The following TNRC6B variants were observed in gnomAD, a reference collection of about 807,000 sequenced individuals.
The protein encoded by TNRC6B is trinucleotide repeat-containing gene 6B protein.
Under a neutral mutation model 203.6 loss-of-function variants are expected in TNRC6B, and 52 were observed. That is an observed-to-expected ratio of 0.26 (90% CI 0.20 to 0.32). The LOEUF is 0.32. TNRC6B is among the 10% of genes least tolerant of loss of function. TNRC6B has a pLI of 1.00. For synonymous variants in TNRC6B, 838 were observed against 845.7 expected (o/e 0.99, Z 0.16); for missense variants, 1,923 against 2,286.2 (o/e 0.84, Z 3.24).
At chr22:40,179,970 A>G (rs564280847) in intron 1 of TNRC6B, among the ~76,000 whole-genome samples, 2 of 152,358 alleles carry the variant, frequency 1.3e-5, no homozygotes, top group East Asian at 3.9e-4. Flanking sequence ...AGTAATGGTA[A>G]TAAATACAGA....
chr22:40,310,762 CAAG>C (rs2071166385), intron 16 of TNRC6B, 52 bp from the exon 17 acceptor site: 1 of 1,498,072 alleles, frequency 6.7e-7, no homozygotes, highest in Non-Finnish European at 9.0e-7. Flanking sequence ...AAAAAATAGA[CAAG>C]TTCTATTCAT....
rs533779204 is a variant in TNRC6B, at chr22:40,207,939, C to T, written c.5+29799C>T. Among the ~76,000 whole-genome samples, 15 of 151,930 alleles carry T rather than the reference C, an allele frequency of 9.9e-5. 1 individual carries two copies. The highest frequency in any genetic ancestry group is 3.4e-3 in the Middle Eastern group (1 of 292). ...CATCCTGGCTAACACGGTGAAACCC[C>T]ATCTCTACTAGAAAAATACAAAAAA... On this transcript the variant is annotated intron_variant, in intron 1 of 22. Coordinates refer to ENST00000454349, the MANE Select transcript of TNRC6B (RefSeq NM_001162501.2).
At chr22:40,316,540 C>T (rs947134207) in intron 21 of TNRC6B, among the ~76,000 whole-genome samples, 6 of 152,090 alleles carry the variant, frequency 3.9e-5, no homozygotes, top group African/African-American at 1.4e-4. Flanking sequence ...CACACAGCTG[C>T]TCAGGAGGCT....
intron 1 of TNRC6B, among the ~76,000 whole-genome samples, chr22:40,046,635 CAG>C (rs1452657289): frequency 1.5e-5 from 2 of 134,944 alleles, no homozygotes; most frequent in African/African-American, 2.8e-5. Context: ...TTTTTTGAGA[CAG>C]AGTCTCAATT....
intron 1 of TNRC6B, among the ~76,000 whole-genome samples, chr22:40,075,129 G>C (rs2067995056): frequency 1.3e-5 from 1 of 76,580 alleles, no homozygotes; most frequent in Non-Finnish European, 2.5e-5. Context: ...TTGATTGTTG[G>C]TTCTGTTCAT....
At chr22:40,156,776 T>G (rs1231504503) in intron 4 of TNRC6B, among the ~76,000 whole-genome samples, 1 of 138,306 alleles carries the variant, frequency 7.2e-6, no homozygotes, top group Non-Finnish European at 1.5e-5. Context: ...TTTTTTTTCT[T>G]GAGACGGAGT....
chr22:40,045,973 G>A (rs1569241934), intron 1 of TNRC6B, among the ~76,000 whole-genome samples: 1 of 152,090 alleles, frequency 6.6e-6, no homozygotes, highest in East Asian at 1.9e-4. Flanking sequence ...ATTTCAAGTT[G>A]GTCATTTGTA....
intron 1 of TNRC6B, among the ~76,000 whole-genome samples, chr22:40,048,357 G>A (rs971505638): frequency 3.9e-5 from 6 of 152,082 alleles, no homozygotes; most frequent in African/African-American, 7.2e-5. Flanking sequence ...TGGCCAATAT[G>A]GTGAAACCCC....
intron 4 of TNRC6B, among the ~76,000 whole-genome samples, chr22:40,262,745 T>C (rs2070406272): frequency 6.6e-6 from 1 of 152,070 alleles, no homozygotes; most frequent in African/African-American, 2.4e-5. Context: ...TACTAGAAGT[T>C]TTGAGAGTTT....
At chr22:40,081,992 A>C (rs2068067281) in intron 1 of TNRC6B, among the ~76,000 whole-genome samples, 1 of 151,656 alleles carries the variant, frequency 6.6e-6, no homozygotes, top group East Asian at 1.9e-4. Context: ...CAAAATACTG[A>C]GTTTTTATCA....
intron 1 of TNRC6B, among the ~76,000 whole-genome samples, chr22:40,192,616 CAA>C (rs199530692): frequency 6.9e-6 from 1 of 144,752 alleles, no homozygotes; most frequent in Admixed American, 6.9e-5. Context: ...GACTCTGCCT[CAA>C]AAAAAAAAAG....
chr22:40,282,660 C>A (rs932027550), intron 11 of TNRC6B, among the ~76,000 whole-genome samples: 3 of 151,978 alleles, frequency 2.0e-5, no homozygotes, highest in Non-Finnish European at 4.4e-5. Context: ...AAAGGTCATT[C>A]TTCTTATTTT....
intron 19 of TNRC6B, among the ~76,000 whole-genome samples, 170 bp from the exon 20 acceptor site, chr22:40,315,113 A>G (rs73420570): frequency 0.029 from 4,433 of 152,324 alleles, 199 homozygotes; most frequent in African/African-American, 0.1. Context: ...TATGTTCGTT[A>G]TGCTCTAAGA....
Position 40,312,515 on chromosome 22 carries a change from A to G in TNRC6B, c.4446A>G (p.Pro1482=). 6.2e-7 allele frequency: 1 copy of G among 1,610,376 alleles called. No individual in the cohort carries two copies. Among genetic ancestry groups the G allele is most frequent in the Non-Finnish European group, 8.5e-7 (1 of 1,178,758 alleles). ...SNASWPPEFQ[P]GVPWKGIQNI... ...TTTTCCTTGTCTCAGAATTCCAACCAGGAGTGCCATGGAAAGGTATCCAAA... is the reference window on the plus strand; with the variant it reads ...TTTTCCTTGTCTCAGAATTCCAACCGGGAGTGCCATGGAAAGGTATCCAAA... The change falls in exon 18 of 23, where the codon CCA becomes CCG. Residue 1482 remains proline, a synonymous_variant. Transcript: ENST00000454349.
intron 3 of TNRC6B, among the ~76,000 whole-genome samples, chr22:40,259,152 TCTTC>T (rs2070333862): frequency 6.6e-6 from 1 of 152,200 alleles, no homozygotes; most frequent in African/African-American, 2.4e-5. Context: ...TATTAAATAA[TCTTC>T]ATTCATTCAT....
intron 2 of TNRC6B, among the ~76,000 whole-genome samples, chr22:40,247,868 C>T (rs5750918): frequency 0.27 from 40,829 of 151,972 alleles, 6,899 homozygotes; most frequent in East Asian, 0.57. Context: ...TCCAGGAGTT[C>T]GAGACCAGCC....
At chr22:40,239,319 GTGCC>G (rs1465052414) in intron 1 of TNRC6B, among the ~76,000 whole-genome samples, 1 of 152,232 alleles carries the variant, frequency 6.6e-6, no homozygotes, top group Non-Finnish European at 1.5e-5. Context: ...CTTCCGGTCT[GTGCC>G]TGTTACCACC....
chr22:40,052,001 C>T (rs1331444628), intron 1 of TNRC6B, among the ~76,000 whole-genome samples: 7 of 152,174 alleles, frequency 4.6e-5, no homozygotes, highest in Admixed American at 3.9e-4. Flanking sequence ...CTAGTGGCTA[C>T]CATGTTGGAC....
chr22:40,121,769 T>C (rs983439231), intron 2 of TNRC6B, among the ~76,000 whole-genome samples: 10 of 152,234 alleles, frequency 6.6e-5, no homozygotes, highest in South Asian at 2.1e-4. Flanking sequence ...CTAAGGCTTA[T>C]GTGCCTAGTG....
Sources: gnomAD v4.1 joint callset for allele counts (sites outside exome capture counted in the v4.1 genomes callset) on GRCh38, gnomAD v4.1.1 for gene constraint, MANE v1.5 for transcripts, NCBI Gene and HGNC (gene_info 2026-07-23, HGNC 2026-07-21) for gene names.